Variants in CHRM3 observed in about 807,000 individuals in gnomAD.
The protein encoded by CHRM3 is cholinergic receptor muscarinic 3.
CHRM3 carries 11 observed loss-of-function variants against 41.8 expected under a neutral mutation model. The ratio of observed to expected loss-of-function variants is 0.26; its 90% CI spans 0.17 to 0.44. The LOEUF is 0.44. Among genes scored for constraint, CHRM3 ranks in the 20% least tolerant of loss-of-function variants. The probability of loss-of-function intolerance (pLI) is 1.00; values close to 1 mark genes in which losing one functional copy is unlikely to be tolerated. For missense variants in CHRM3, 571 were observed against 745.4 expected (o/e 0.77, Z 2.72); for synonymous variants, 297 against 301.4 (o/e 0.99, Z 0.15).
Position 239,596,182 on chromosome 1 carries a change from A to G in CHRM3, c.-312-36042A>G, listed in dbSNP as rs116101722. 3.4e-3 allele frequency among the ~76,000 whole-genome samples: 513 copies of G among 152,296 alleles called. 2 individuals carry two copies. The highest frequency in any genetic ancestry group is 5.8e-3 in the Non-Finnish European group (392 of 68,006). ...AAGGCTGCCTGCTTTTTCATTCTTT[A>G]AAACTAGTAATTTTCCATCTCTGAC... On this transcript the variant is annotated intron_variant, in intron 3 of 6. Transcript: ENST00000676153.
intron 1 of CHRM3, among the ~76,000 whole-genome samples, chr1:239,447,407 G>A (rs969655594): frequency 6.6e-6 from 1 of 152,076 alleles, no homozygotes; most frequent in East Asian, 1.9e-4. Context: ...TGGGGAGAGA[G>A]AGAGAATGGC....
rs61834843 is a variant in CHRM3, at chr1:239,738,848, C to G, written c.-147+60560C>G. On this transcript the variant is annotated intron_variant, in intron 5 of 6. Transcript: ENST00000676153. ...TTCAGAGAGTCCTGTATCTATTCCT[C>G]TCCATGCATGGTCCTGGAAAAGACA... is the stretch of plus-strand genomic sequence containing the variant. 3.0e-3 allele frequency among the ~76,000 whole-genome samples: 450 copies of G among 152,304 alleles called. 3 individuals carry two copies. Among genetic ancestry groups the G allele is most frequent in the Non-Finnish European group, 4.4e-3 (300 of 68,040 alleles).
At chr1:239,700,673 G>A (rs1476528422) in intron 5 of CHRM3, among the ~76,000 whole-genome samples, 1 of 152,164 alleles carries the variant, frequency 6.6e-6, no homozygotes, top group African/African-American at 2.4e-5. Flanking sequence ...TCATGCACCT[G>A]TAGCCCGCAG....
chr1:239,775,079 C>T (rs1268820190), intron 5 of CHRM3, among the ~76,000 whole-genome samples: 3 of 152,008 alleles, frequency 2.0e-5, no homozygotes, highest in African/African-American at 7.2e-5. Flanking sequence ...GCACTAAGTG[C>T]TATTTGATAT....
chr1:239,629,907 G>C (rs1314799866), intron 3 of CHRM3, among the ~76,000 whole-genome samples: 1 of 152,112 alleles, frequency 6.6e-6, no homozygotes, highest in Non-Finnish European at 1.5e-5. Flanking sequence ...TTGATTATGT[G>C]ACCTTTGAGC....
intron 1 of CHRM3, among the ~76,000 whole-genome samples, chr1:239,401,560 G>T (rs191149172): frequency 6.6e-6 from 1 of 151,102 alleles, no homozygotes; most frequent in African/African-American, 2.4e-5. Flanking sequence ...GTGCAATCTC[G>T]GCTCACTGCA....
chr1:239,578,126 G>C (rs1234990341), intron 3 of CHRM3, among the ~76,000 whole-genome samples: 1 of 152,082 alleles, frequency 6.6e-6, no homozygotes, highest in African/African-American at 2.4e-5. Flanking sequence ...GTTTATGAGA[G>C]CCCCAGAGTC....
chr1:239,741,313 T>A (rs541319052), intron 5 of CHRM3, among the ~76,000 whole-genome samples: 11 of 152,296 alleles, frequency 7.2e-5, no homozygotes, highest in African/African-American at 2.2e-4. Flanking sequence ...AAAGCCTGTT[T>A]GTTCAGATTC....
intron 5 of CHRM3, among the ~76,000 whole-genome samples, chr1:239,768,658 C>G (rs534049639): frequency 6.6e-6 from 1 of 152,170 alleles, no homozygotes; most frequent in Non-Finnish European, 1.5e-5. Flanking sequence ...GTGGTGATTG[C>G]TCATGGAGAG....
At chr1:239,824,147 A>C (rs1251940523) in intron 5 of CHRM3, among the ~76,000 whole-genome samples, 1 of 152,010 alleles carries the variant, frequency 6.6e-6, no homozygotes, top group Non-Finnish European at 1.5e-5. Flanking sequence ...ATCGTATCAC[A>C]CATCTTTGTT....
chr1:239,567,976 C>T (rs532628977), intron 3 of CHRM3, among the ~76,000 whole-genome samples: 4 of 152,304 alleles, frequency 2.6e-5, no homozygotes, highest in Non-Finnish European at 2.9e-5. Flanking sequence ...CTACTAGGCT[C>T]TTCTCTGAAG....
chr1:239,463,171 T>C (rs1211344744), intron 1 of CHRM3, among the ~76,000 whole-genome samples: 1 of 152,170 alleles, frequency 6.6e-6, no homozygotes, highest in African/African-American at 2.4e-5. Context: ...GAGTTTGGCA[T>C]ATTATAGATA....
At chr1:239,540,107 T>G (rs543251346) in intron 2 of CHRM3, among the ~76,000 whole-genome samples, 1 of 152,336 alleles carries the variant, frequency 6.6e-6, no homozygotes, top group East Asian at 1.9e-4. Flanking sequence ...GAGTGCACTC[T>G]ATGACGTTTG....
In CHRM3 at chr1:239,606,999, G is replaced by A. The variant is rs115363913; in HGVS notation, c.-312-25225G>A. 5.2e-3 allele frequency among the ~76,000 whole-genome samples: 791 copies of A among 152,126 alleles called. 10 individuals are homozygous for A. The highest frequency in any genetic ancestry group is 0.018 in the African/African-American group (762 of 41,514). ...TACTCTTACCCCTGTGGCCTTCAAT[G>A]CCCTCTTACTGCTGAGGTTTCATTT... On this transcript the variant is annotated intron_variant, in intron 3 of 6. Transcript: ENST00000676153.
intron 5 of CHRM3, among the ~76,000 whole-genome samples, chr1:239,824,700 G>A (rs1012021297): frequency 6.6e-6 from 1 of 152,202 alleles, no homozygotes; most frequent in African/African-American, 2.4e-5. Context: ...ATCCAGGGTA[G>A]AGTGGAAAAC....
At chr1:239,792,460 A>T (rs1669428891) in intron 5 of CHRM3, among the ~76,000 whole-genome samples, 1 of 152,142 alleles carries the variant, frequency 6.6e-6, no homozygotes, top group African/African-American at 2.4e-5. Flanking sequence ...TTGACAGAGA[A>T]AAAAAGTCAC....
At chr1:239,677,087 T>G (rs954933859) in intron 4 of CHRM3, among the ~76,000 whole-genome samples, 1 of 152,112 alleles carries the variant, frequency 6.6e-6, no homozygotes, top group Non-Finnish European at 1.5e-5. Flanking sequence ...CATACAAGAC[T>G]CAGGTTAAAG....
At chr1:239,522,266 T>G (rs1669699070) in intron 2 of CHRM3, among the ~76,000 whole-genome samples, 1 of 152,238 alleles carries the variant, frequency 6.6e-6, no homozygotes, top group Non-Finnish European at 1.5e-5. Context: ...CATGAGGATC[T>G]TGAAGAAACC....
intron 3 of CHRM3, among the ~76,000 whole-genome samples, chr1:239,551,144 C>CTTTTTTTT (rs1157407521): frequency 5.0e-5 from 3 of 60,358 alleles, no homozygotes; most frequent in Non-Finnish European, 9.0e-5. Flanking sequence ...TGTTACCATT[C>CTTTTTTTT]TTTTTTTTTT....
Sources: allele counts gnomAD v4.1 joint callset (sites outside exome capture counted in the v4.1 genomes callset), GRCh38; gene constraint gnomAD v4.1.1; transcripts MANE v1.5; gene names NCBI Gene and HGNC (gene_info 2026-07-23, HGNC 2026-07-21).